TGM6: variants seen among roughly 807,000 people sequenced by gnomAD.
The protein encoded by TGM6 is protein-glutamine gamma-glutamyltransferase 6.
Under a neutral mutation model 77.5 loss-of-function variants are expected in TGM6, and 74 were observed. That is an observed-to-expected ratio of 0.96 (90% CI 0.79 to 1.16). The LOEUF is 1.16. Among genes scored for constraint, TGM6 ranks in the 50% most tolerant of loss-of-function variants. TGM6 has a pLI of 0.00. For missense variants in TGM6, 968 were observed against 940.2 expected (o/e 1.03, Z -0.39); for synonymous variants, 383 against 378.9 (o/e 1.01, Z -0.12).
At position 2,395,269 on chromosome 20, in the gene TGM6, C is replaced by T. The variant is rs201071642; in HGVS notation, c.257C>T (p.Thr86Ile). 6.2e-6 allele frequency: 10 copies of T among 1,614,112 alleles called. No homozygotes were observed. Among genetic ancestry groups the T allele is most frequent in the Non-Finnish European group, 8.5e-6 (10 of 1,180,018 alleles). The change falls in exon 3 of 13, where the codon ACA (threonine) becomes ATA (isoleucine). Residue 86 changes from threonine to isoleucine, a missense_variant. Thr to Ile is a moderately conservative substitution (Grantham distance 89). Coordinates refer to ENST00000202625, the MANE Select transcript of TGM6 (RefSeq NM_198994.3). ...TSELERGEGW[T>I]AAREAQMEKT... ...GAGCTGGAGCGGGGTGAGGGCTGGACAGCAGCAAGGGAGGCTCAGATGGAG... is the reference window on the plus strand; with the variant it reads ...GAGCTGGAGCGGGGTGAGGGCTGGATAGCAGCAAGGGAGGCTCAGATGGAG...
At chr20:2,396,925 G>A (rs1421038673) in intron 4 of TGM6, among the ~76,000 whole-genome samples, 1 of 152,176 alleles carries the variant, frequency 6.6e-6, no homozygotes, top group Non-Finnish European at 1.5e-5. Flanking sequence ...TCCCAGGAGG[G>A]ATGGCGTGCT....
rs759286495 is a variant in TGM6, at chr20:2,394,532, C to T, written c.88C>T (p.Leu30=). The change falls in exon 2 of 13, where the codon CTG becomes TTG. Residue 30 remains leucine (L), a synonymous_variant. Coordinates refer to ENST00000202625, the MANE Select transcript of TGM6 (RefSeq NM_198994.3). The part of the protein sequence containing the change: ...HHTQEYPCPE[L]VVRRGQSFSL... ...CACCCAGGAGTACCCCTGCCCTGAG[C>T]TGGTGGTTCGCAGGGGCCAGTCGTT... The T allele has an allele frequency of 1.9e-6, 3 of 1,612,010 alleles. No homozygotes were observed. The South Asian group carries it at 3.3e-5, about 18-fold the overall frequency.
chr20:2,389,604 A>T (rs1222390018), intron 1 of TGM6, among the ~76,000 whole-genome samples: 1 of 152,220 alleles, frequency 6.6e-6, no homozygotes, highest in Non-Finnish European at 1.5e-5. Context: ...AATTGAATTG[A>T]CACATCTTAC....
At chr20:2,431,888 G>A (rs569958787) in intron 12 of TGM6, among the ~76,000 whole-genome samples, 4 of 152,322 alleles carry the variant, frequency 2.6e-5, no homozygotes, top group African/African-American at 4.8e-5. Context: ...TTGGGCCTTG[G>A]GTGGATTGGA....
At chr20:2,428,528 C>A (rs1160695311) in intron 10 of TGM6, among the ~76,000 whole-genome samples, 1 of 152,084 alleles carries the variant, frequency 6.6e-6, no homozygotes, top group Non-Finnish European at 1.5e-5. Flanking sequence ...GTCCCAGGAC[C>A]ACACTTGGAG....
At position 2,396,639 on chromosome 20, in the gene TGM6, A is replaced by G. The variant is rs1801402545; in HGVS notation, c.543+15A>G. 1 of 1,612,804 alleles carries G rather than the reference A, an allele frequency of 6.2e-7. No individual in the cohort carries two copies. The highest frequency in any genetic ancestry group is 8.5e-7 in the Non-Finnish European group (1 of 1,178,806). ...ACTACGGGCAGGTCTCCAGGGGCAC[A>G]GGCCAGACAAGGATGTGGGCTGGGG... On this transcript the variant is annotated intron_variant, in intron 4 of 12. Coordinates refer to ENST00000202625, the MANE Select transcript of TGM6 (RefSeq NM_198994.3).
chr20:2,398,355 G>A (rs1317142543), intron 5 of TGM6, among the ~76,000 whole-genome samples: 1 of 152,152 alleles, frequency 6.6e-6, no homozygotes, highest in Non-Finnish European at 1.5e-5. Flanking sequence ...TTTGGTTCTG[G>A]TGGTTGGCAG....
chr20:2,416,260 C>T (rs1225398186), intron 9 of TGM6, among the ~76,000 whole-genome samples: 1 of 152,110 alleles, frequency 6.6e-6, no homozygotes, highest in African/African-American at 2.4e-5. Flanking sequence ...ACAAAAAGTA[C>T]TACAAATATA....
rs778582370 is a variant in TGM6, at chr20:2,394,480, G to A, written c.36G>A (p.Gln12=). 6.2e-7 allele frequency: 1 copy of A among 1,611,598 alleles called. No individual in the cohort carries two copies. The highest frequency in any genetic ancestry group is 8.5e-7 in the Non-Finnish European group (1 of 1,179,862). ...AGIRVTKVDW[Q]RSRNGAAHHT... Reference sequence around the variant, plus strand: ...TCAGAGTCACCAAGGTGGACTGGCAGCGGTCGAGGAATGGCGCTGCCCACC... The same window carrying A: ...TCAGAGTCACCAAGGTGGACTGGCAACGGTCGAGGAATGGCGCTGCCCACC... Residue 12 remains glutamine, a synonymous_variant, in exon 2 of 13, where the codon CAG becomes CAA. Transcript: ENST00000202625.
intron 3 of TGM6, among the ~76,000 whole-genome samples, chr20:2,395,949 G>A (rs1021614337): frequency 3.9e-5 from 6 of 152,164 alleles, no homozygotes; most frequent in African/African-American, 7.2e-5. Flanking sequence ...GGGATGCCAA[G>A]GCAGGGGGAT....
Position 2,417,231 on chromosome 20 carries a change from G to T in TGM6, c.1337-1G>T. ...CGCTGACGTTGTGTGATGCCCTGCA[G>T]GGTCCCGGAAAGAGAGGCAGGTGTA... On this transcript the variant is annotated splice_acceptor_variant, in intron 9 of 12. Coordinates refer to ENST00000202625, the MANE Select transcript of TGM6 (RefSeq NM_198994.3). LOFTEE classifies it high-confidence loss of function. 1.3e-6 allele frequency: 2 copies of T among 1,596,536 alleles called. No homozygotes were observed. The highest frequency in any genetic ancestry group is 1.7e-6 in the Non-Finnish European group (2 of 1,171,662).
chr20:2,406,031 C>A (rs1354597723), intron 9 of TGM6, among the ~76,000 whole-genome samples: 1 of 152,178 alleles, frequency 6.6e-6, no homozygotes, highest in Non-Finnish European at 1.5e-5. Flanking sequence ...TGAAGATACC[C>A]CCAAACCTTA....
rs2084755940 is a variant in TGM6 at position 2,406,862 on chromosome 20, A to AAT, written c.1336+3040_1336+3041insTA. Among the ~76,000 whole-genome samples the AAT allele has an allele frequency of 9.9e-5, 14 of 141,898 alleles. No homozygotes were observed. In the South Asian group the frequency reaches 3.3e-3, roughly 33 times the overall value. 93.1% of individuals were successfully genotyped at this position (141,898 alleles called of 152,430 possible). ...AAAAAAAAAAAAAAAAAAAAAAAAA[A>AAT]AAAACCATGGCCACAGGAGAAATTA... On this transcript the variant is annotated intron_variant, in intron 9 of 12. Coordinates refer to ENST00000202625, the MANE Select transcript of TGM6 (RefSeq NM_198994.3).
Position 2,430,505 on chromosome 20 carries a change from A to G in TGM6, c.1738A>G (p.Lys580Glu). The part of the protein sequence containing the change: ...SKYKEDLTED[K>E]KILLAAMCLV... The stretch of plus-strand genomic sequence containing the variant: ...GTATAAAGAAGACCTGACAGAGGAC[A>G]AGAAGATCCTGTTGGCTGCCATGTG... Residue 580 changes from lysine to glutamate, a missense_variant, in exon 11 of 13, where the codon AAG becomes GAG. Transcript: ENST00000202625. The G allele has an allele frequency of 6.2e-7, 1 of 1,614,224 alleles. No individual in the cohort carries two copies. Among genetic ancestry groups the G allele is most frequent in the African/African-American group, 1.3e-5 (1 of 75,062 alleles).
At chr20:2,383,334 G>T (rs747485803) in intron 1 of TGM6, among the ~76,000 whole-genome samples, 1 of 152,208 alleles carries the variant, frequency 6.6e-6, no homozygotes, top group South Asian at 2.1e-4. Context: ...TCACCCAAGG[G>T]CAGGAGGAGG....
At chr20:2,384,151 T>C (rs1261370064) in intron 1 of TGM6, among the ~76,000 whole-genome samples, 1 of 150,818 alleles carries the variant, frequency 6.6e-6, no homozygotes, top group Non-Finnish European at 1.5e-5. Flanking sequence ...AGCTCATCAC[T>C]GTGGACCCAG....
At chr20:2,396,367 C>T in intron 3 of TGM6, 139 bp from the exon 4 acceptor site, 2 of 810,486 alleles carry the variant, frequency 2.5e-6, no homozygotes, top group Non-Finnish European at 4.3e-6. Context: ...AGCACGGGAG[C>T]TCGCAAGCCC....
rs765015010 is a variant in TGM6 at position 2,395,228 on chromosome 20, T to TGGAGCGGG, written c.217_218insGAGCGGGG (p.Val73GlyfsTer28). ...CTTCTGAGGCCCTCCACACCAAAGC[T>TGGAGCGGG]GTGTTCCAGACATCGGAGCTGGAGC... On this transcript the variant is annotated frameshift_variant, in exon 3 of 13. Coordinates refer to ENST00000202625, the MANE Select transcript of TGM6 (RefSeq NM_198994.3). LOFTEE classifies it high-confidence loss of function. The TGGAGCGGG allele has an allele frequency of 1.2e-6, 2 of 1,613,876 alleles. No individual in the cohort carries two copies. The highest frequency in any genetic ancestry group is 3.3e-5 in the Admixed American group (2 of 60,000).
intron 9 of TGM6, among the ~76,000 whole-genome samples, chr20:2,416,540 G>A (rs546876092): frequency 6.6e-6 from 1 of 152,240 alleles, no homozygotes; most frequent in African/African-American, 2.4e-5. Context: ...AAATTAAAGG[G>A]CAGATTATGC....
Sources: allele counts gnomAD v4.1 joint callset (sites outside exome capture counted in the v4.1 genomes callset), GRCh38; gene constraint gnomAD v4.1.1; transcripts MANE v1.5; gene names NCBI Gene and HGNC (gene_info 2026-07-23, HGNC 2026-07-21).